The following UPRT variants were observed in gnomAD, a reference collection of about 807,000 sequenced individuals.
UPRT encodes the protein RP11-311P8.3.
UPRT carries 5 observed loss-of-function variants against 22.6 expected under a neutral mutation model. The ratio of observed to expected loss-of-function variants is 0.22; its 90% CI spans 0.12 to 0.47. UPRT has a LOEUF of 0.47. Ranked by LOEUF, UPRT falls within the 20% of genes least tolerant of loss-of-function variation. UPRT has a pLI of 0.99. For missense variants in UPRT, 181 were observed against 239.9 expected, an observed-to-expected ratio of 0.75 and a Z score of 1.62; for synonymous variants, 77 against 87.7, an observed-to-expected ratio of 0.88 and a Z score of 0.68.
chrX:75,245,856 T>G (rs2082503647), intron 4 of UPRT, among the ~76,000 whole-genome samples: 1 of 111,721 alleles, frequency 9.0e-6, no homozygotes, highest in African/African-American at 3.3e-5. Flanking sequence ...GCTTATCATC[T>G]GGGTGATGAA....
upstream of UPRT, among the ~76,000 whole-genome samples, chrX:75,272,969 T>C (rs1452989930): frequency 8.9e-6 from 1 of 112,089 alleles, no homozygotes; most frequent in African/African-American, 3.2e-5. Context: ...ATGTGGTACA[T>C]ATACACCATG....
intron 4 of UPRT, among the ~76,000 whole-genome samples, chrX:75,213,875 T>C (rs1327476286): frequency 1.8e-5 from 2 of 112,259 alleles, no homozygotes; most frequent in African/African-American, 6.5e-5. Context: ...TTCACTATTA[T>C]AGTTGGAGAC....
intron 4 of UPRT, among the ~76,000 whole-genome samples, chrX:75,192,326 A>T (rs1200234800): frequency 2.3e-5 from 2 of 87,281 alleles, no homozygotes; most frequent in Non-Finnish European, 5.0e-5. Flanking sequence ...CAAGAGTGTG[A>T]TTGACATGAT....
At chrX:75,264,571 G>T (rs2037227714) in intron 4 of UPRT, among the ~76,000 whole-genome samples, 1 of 110,916 alleles carries the variant, frequency 9.0e-6, no homozygotes, top group African/African-American at 3.3e-5. Flanking sequence ...TTTTCCATTT[G>T]CTTGGTAGAA....
At chrX:75,188,491 GC>G (rs2082303078) in intron 4 of UPRT, among the ~76,000 whole-genome samples, 1 of 112,693 alleles carries the variant, frequency 8.9e-6, no homozygotes, top group African/African-American at 3.2e-5. Context: ...TGTGTGCCCT[GC>G]CCCCAGAGGT....
At chrX:75,206,965 A>G (rs1569265772) in intron 4 of UPRT, among the ~76,000 whole-genome samples, 1 of 112,624 alleles carries the variant, frequency 8.9e-6, no homozygotes. Flanking sequence ...CACTTGGCCA[A>G]TGATGGGGTT....
intron 4 of UPRT, among the ~76,000 whole-genome samples, chrX:75,252,423 C>CA (rs1280915300): frequency 5.4e-5 from 6 of 111,999 alleles, no homozygotes; most frequent in African/African-American, 2.0e-4. Context: ...TTTATGCAGC[C>CA]AAAAAACACA....
intron 4 of UPRT, among the ~76,000 whole-genome samples, chrX:75,250,843 C>T (rs1047262826): frequency 8.9e-6 from 1 of 111,875 alleles, no homozygotes; most frequent in Non-Finnish European, 1.9e-5. Flanking sequence ...TCCAGCAGCA[C>T]ATCAAAAAGC....
intron 4 of UPRT, among the ~76,000 whole-genome samples, chrX:75,184,816 C>G (rs752630111): frequency 9.0e-6 from 1 of 111,445 alleles, no homozygotes; most frequent in South Asian, 3.8e-4. Context: ...CATGATTTGG[C>G]TCTCTGTCTG....
rs1266499642 is a variant in UPRT at position 75,246,710 on chromosome X, C to T, written c.-446-44314C>T. Reference sequence around the variant, plus strand: ...CTTCCACAATGGTTGAACCAGTTTACAGTCCCACCAACAGTAAAAGTGTTC... The same window carrying T: ...CTTCCACAATGGTTGAACCAGTTTATAGTCCCACCAACAGTAAAAGTGTTC... On this transcript the variant is annotated intron_variant, in intron 4 of 13. Transcript: ENST00000652605. Among the ~76,000 whole-genome samples the T allele has an allele frequency of 5.4e-5, 6 of 111,692 alleles. No homozygotes were observed. The East Asian group carries it at 1.4e-3, about 26-fold the overall frequency.
chrX:75,303,457 A>G lies in UPRT; in HGVS notation c.876A>G (p.Glu292=), dbSNP rs759329264. The G allele has an allele frequency of 8.3e-7, 1 of 1,208,581 alleles. No individual in the cohort carries two copies. Among genetic ancestry groups the G allele is most frequent in the African/African-American group, 1.7e-5 (1 of 57,796 alleles). Residue 292 remains glutamate (E), a synonymous_variant, in exon 7 of 7, where the codon GAA becomes GAG. Coordinates refer to ENST00000373383, the MANE Select transcript of UPRT (RefSeq NM_145052.4). ...CAGAGATCACAATTTTAACTACTGAAGTTCATCCTGTTGCACCTACACATT... is the reference window on the plus strand; with the variant it reads ...CAGAGATCACAATTTTAACTACTGAGGTTCATCCTGTTGCACCTACACATT... ...EFPEITILTT[E]VHPVAPTHFG... is the part of the protein sequence containing the mutation.
At chrX:75,233,363 C>A (rs1487340893) in intron 4 of UPRT, among the ~76,000 whole-genome samples, 15 of 111,614 alleles carry the variant, frequency 1.3e-4, no homozygotes, top group African/African-American at 4.9e-4. Flanking sequence ...AAACACTCTG[C>A]AGGATATTCT....
At chrX:75,294,494 A>G (rs1394306113) in intron 2 of UPRT, 2 of 832,013 alleles carry the variant, frequency 2.4e-6, no homozygotes, top group Non-Finnish European at 1.5e-6. Flanking sequence ...CTTAGCCCCA[A>G]AGTTATAATC....
chrX:75,231,986 G>A (rs1157820622), intron 4 of UPRT, among the ~76,000 whole-genome samples: 3 of 112,011 alleles, frequency 2.7e-5, no homozygotes, highest in African/African-American at 9.7e-5. Context: ...CAGCATGAGC[G>A]ACGCAGAAGC....
chrX:75,235,197 T>C (rs995332839), intron 4 of UPRT, among the ~76,000 whole-genome samples: 1 of 111,565 alleles, frequency 9.0e-6, no homozygotes, highest in Non-Finnish European at 1.9e-5. Context: ...AAGAAATGGA[T>C]AAATTCCTGG....
intron 4 of UPRT, among the ~76,000 whole-genome samples, chrX:75,182,971 C>T (rs148448965): frequency 0.029 from 3,238 of 110,117 alleles, 117 homozygotes; most frequent in African/African-American, 0.1. Flanking sequence ...AAATTTTTGA[C>T]GTGGGCATTT....
chrX:75,279,356 T>C (rs1478385308), intron 1 of UPRT, among the ~76,000 whole-genome samples: 1 of 111,140 alleles, frequency 9.0e-6, no homozygotes, highest in African/African-American at 3.3e-5. Flanking sequence ...TTTCGGTTTT[T>C]GTGTGTTTCC....
At chrX:75,217,285 C>T (rs983640356) in intron 4 of UPRT, among the ~76,000 whole-genome samples, 36 of 111,053 alleles carry the variant, frequency 3.2e-4, no homozygotes, top group Non-Finnish European at 5.1e-4. Context: ...CTTGGCGATG[C>T]GGGCTCTTTT....
intron 4 of UPRT, among the ~76,000 whole-genome samples, chrX:75,178,219 T>G (rs1179150056): frequency 8.9e-6 from 1 of 112,302 alleles, no homozygotes; most frequent in Non-Finnish European, 1.9e-5. Flanking sequence ...CTGACACCCG[T>G]GTCTTTAGTC....
Sources: allele counts gnomAD v4.1 joint callset (sites outside exome capture counted in the v4.1 genomes callset), GRCh38; gene constraint gnomAD v4.1.1; transcripts MANE v1.5; gene names NCBI Gene and HGNC (gene_info 2026-07-23, HGNC 2026-07-21).